The following UST variants were observed in gnomAD, a reference collection of about 807,000 sequenced individuals.
UST encodes chondroitin sulfate 2-O-sulfotransferase.
Under a neutral mutation model 45.6 loss-of-function variants are expected in UST, and 21 were observed. The ratio of observed to expected loss-of-function variants is 0.46; its 90% CI spans 0.33 to 0.66. The LOEUF is 0.66. UST is among the 30% of genes least tolerant of loss of function. The probability of loss-of-function intolerance (pLI) is 0.02; values close to 1 mark genes in which losing one functional copy is unlikely to be tolerated. For synonymous variants in UST, 215 were observed against 200.6 expected, an observed-to-expected ratio of 1.07 and a Z score of -0.61; for missense variants, 463 against 512.4, an observed-to-expected ratio of 0.90 and a Z score of 0.93.
At chr6:148,926,133 A>G (rs986413969) in intron 2 of UST, among the ~76,000 whole-genome samples, 1 of 152,212 alleles carries the variant, frequency 6.6e-6, no homozygotes, top group African/African-American at 2.4e-5. Flanking sequence ...ACTTTATGAG[A>G]TCCTTTCCAC....
intron 1 of UST, among the ~76,000 whole-genome samples, chr6:148,785,790 ATACACTC>A (rs1305825825): frequency 6.6e-6 from 1 of 152,242 alleles, no homozygotes; most frequent in East Asian, 1.9e-4. Flanking sequence ...TAGGAAAAGA[ATACACTC>A]TAACTGATAC....
chr6:149,074,262 C>T lies in UST; in HGVS notation c.*146C>T, dbSNP rs1335242166. On this transcript the variant is annotated 3_prime_UTR_variant, in exon 8 of 8. Transcript: ENST00000367463. Reference sequence around the variant, plus strand: ...CACATGTTGGGGTCATTGGGAGATGCCCGGTTTTGCGGGTTTTATTTGTTT... The same window carrying T: ...CACATGTTGGGGTCATTGGGAGATGTCCGGTTTTGCGGGTTTTATTTGTTT... 4 of 878,078 alleles carry T rather than the reference C, an allele frequency of 4.6e-6. No individual in the cohort carries two copies. Among genetic ancestry groups the T allele is most frequent in the Non-Finnish European group, 6.8e-6 (4 of 585,224 alleles). 54.4% of individuals were successfully genotyped at this position (878,078 alleles called of 1,614,324 possible).
At chr6:148,974,335 C>T (rs534313392) in intron 5 of UST, among the ~76,000 whole-genome samples, 12 of 151,880 alleles carry the variant, frequency 7.9e-5, no homozygotes, top group Admixed American at 6.6e-5. Flanking sequence ...AAAAAATACC[C>T]GAACAAGTTA....
At chr6:149,063,107 T>C (rs1288284882) in intron 7 of UST, among the ~76,000 whole-genome samples, 2 of 152,178 alleles carry the variant, frequency 1.3e-5, no homozygotes, top group Non-Finnish European at 2.9e-5. Context: ...GTAACTACTC[T>C]GTAGTGTCCC....
intron 7 of UST, among the ~76,000 whole-genome samples, chr6:149,050,198 C>A (rs1776463039): frequency 6.6e-6 from 1 of 152,150 alleles, no homozygotes; most frequent in African/African-American, 2.4e-5. Context: ...TCCATTGCAG[C>A]ATAACTGTCT....
intron 2 of UST, among the ~76,000 whole-genome samples, chr6:148,938,109 G>A (rs915443377): frequency 5.9e-5 from 9 of 152,122 alleles, no homozygotes; most frequent in African/African-American, 2.2e-4. Context: ...TATTTTCTCT[G>A]ATGACTTCAA....
chr6:149,027,493 C>T (rs774280650), intron 7 of UST, among the ~76,000 whole-genome samples: 44 of 152,164 alleles, frequency 2.9e-4, no homozygotes, highest in Non-Finnish European at 5.3e-4. Context: ...TTTAAGGCTG[C>T]TTGTTCTGTC....
At chr6:149,071,226 G>A (rs1776815335) in intron 7 of UST, among the ~76,000 whole-genome samples, 1 of 151,886 alleles carries the variant, frequency 6.6e-6, no homozygotes, top group South Asian at 2.1e-4. Context: ...CCTCTACATA[G>A]AGAATTTTTC....
intron 5 of UST, among the ~76,000 whole-genome samples, chr6:148,983,266 C>T (rs1781172739): frequency 1.3e-5 from 2 of 152,194 alleles, no homozygotes; most frequent in Non-Finnish European, 2.9e-5. Flanking sequence ...AAACATCTTA[C>T]CAGCGGCTCT....
At chr6:148,807,858 G>A (rs1042125322) in intron 1 of UST, among the ~76,000 whole-genome samples, 16 of 152,172 alleles carry the variant, frequency 1.1e-4, no homozygotes, top group African/African-American at 3.9e-4. Context: ...TATCGATGCC[G>A]TGGTTTAAAG....
At chr6:148,767,521 G>A (rs184121449) in intron 1 of UST, among the ~76,000 whole-genome samples, 352 of 152,176 alleles carry the variant, frequency 2.3e-3, no homozygotes, top group Non-Finnish European at 2.9e-3. Flanking sequence ...CCGTTTTACC[G>A]TTTGACTGTT....
chr6:148,923,770 C>G (rs987579254), intron 2 of UST, among the ~76,000 whole-genome samples: 2 of 152,074 alleles, frequency 1.3e-5, no homozygotes, highest in Non-Finnish European at 2.9e-5. Context: ...AGCCCCTCCC[C>G]ACTCCTGGGG....
At chr6:148,936,249 G>T (rs989147935) in intron 2 of UST, among the ~76,000 whole-genome samples, 13 of 152,150 alleles carry the variant, frequency 8.5e-5, no homozygotes, top group South Asian at 2.1e-4. Context: ...CACAGATTGG[G>T]CTGGAGATGG....
At chr6:148,980,793 C>T (rs1031016805) in intron 5 of UST, among the ~76,000 whole-genome samples, 1 of 152,052 alleles carries the variant, frequency 6.6e-6, no homozygotes, top group East Asian at 1.9e-4. Flanking sequence ...GATCTCAGCT[C>T]GCTGCAGCCT....
At chr6:149,017,231 G>T (rs1775913599) in intron 5 of UST, among the ~76,000 whole-genome samples, 1 of 152,084 alleles carries the variant, frequency 6.6e-6, no homozygotes, top group Non-Finnish European at 1.5e-5. Context: ...CAAAAAATTA[G>T]CCGGGTGTGG....
chr6:148,960,628 G>T (rs1323900761), intron 4 of UST, among the ~76,000 whole-genome samples: 1 of 152,186 alleles, frequency 6.6e-6, no homozygotes, highest in Non-Finnish European at 1.5e-5. Flanking sequence ...TTTTGGAGAC[G>T]GGTGATAATG....
At position 149,074,037 on chromosome 6, in the gene UST, C is replaced by T. The variant is rs1216887182; in HGVS notation, c.1142C>T (p.Thr381Ile). Reference protein sequence around the residue: ...PPLRPHFFIPTPLETEEPIDD... With the variant: ...PPLRPHFFIPIPLETEEPIDD... ...CTGAGGCCACACTTCTTTATCCCAACTCCACTGGAAACCGAGGAGCCAATC... is the reference window on the plus strand; with the variant it reads ...CTGAGGCCACACTTCTTTATCCCAATTCCACTGGAAACCGAGGAGCCAATC... The change falls in exon 8 of 8, where the codon ACT becomes ATT. Residue 381 changes from threonine to isoleucine, a missense_variant. Coordinates refer to ENST00000367463, the MANE Select transcript of UST (RefSeq NM_005715.3). 3 of 1,614,100 alleles carry T rather than the reference C, an allele frequency of 1.9e-6. No homozygotes were observed. The Admixed American group carries it at 5.0e-5, about 27-fold the overall frequency.
At chr6:148,869,605 A>G (rs550547320) in intron 1 of UST, among the ~76,000 whole-genome samples, 112 of 152,360 alleles carry the variant, frequency 7.4e-4, no homozygotes, top group Admixed American at 1.8e-3. Flanking sequence ...TATCTGTCCC[A>G]CAACATCTGT....
intron 5 of UST, among the ~76,000 whole-genome samples, chr6:149,006,520 G>A (rs111584754): frequency 0.014 from 2,122 of 152,224 alleles, 59 homozygotes; most frequent in African/African-American, 0.048. Flanking sequence ...GGCTGATTCT[G>A]TGTCCTTGCT....
Sources: allele counts gnomAD v4.1 joint callset (sites outside exome capture counted in the v4.1 genomes callset), GRCh38; gene constraint gnomAD v4.1.1; transcripts MANE v1.5; gene names NCBI Gene and HGNC (gene_info 2026-07-23, HGNC 2026-07-21).